RORA: variants seen among roughly 807,000 people sequenced by gnomAD.
RORA encodes the protein nuclear receptor ROR-alpha.
In RORA, 7 loss-of-function variants were observed where a neutral mutation model predicts 69.5. The observed-to-expected ratio is 0.10, with a 90% CI of 0.06 to 0.19. The LOEUF is 0.19. Among genes scored for constraint, RORA ranks in the 10% least tolerant of loss-of-function variants. The probability of loss-of-function intolerance (pLI) is 1.00; values close to 1 mark genes in which losing one functional copy is unlikely to be tolerated. For synonymous variants in RORA, 261 were observed against 240.8 expected (o/e 1.08, Z -0.78); for missense variants, 457 against 663.0 (o/e 0.69, Z 3.41).
chr15:60,637,207 G>A (rs189833948), intron 2 of RORA, among the ~76,000 whole-genome samples: 174 of 152,150 alleles, frequency 1.1e-3, no homozygotes, highest in African/African-American at 3.9e-3. Context: ...TTCTGAAACT[G>A]ACTGAATTGA....
intron 1 of RORA, among the ~76,000 whole-genome samples, chr15:61,139,142 TA>T (rs61302970): frequency 4.7e-3 from 637 of 136,272 alleles, no homozygotes; most frequent in Non-Finnish European, 4.4e-3. Flanking sequence ...AGACTCCGTC[TA>T]AAAAAAAAAA....
rs141544863 is a variant in RORA at position 61,128,173 on chromosome 15, A to G, written c.166+100880T>C. Among the ~76,000 whole-genome samples, 2 of 151,846 alleles carry G rather than the reference A, an allele frequency of 1.3e-5. No individual in the cohort carries two copies. Among genetic ancestry groups the G allele is most frequent in the East Asian group, 3.9e-4 (2 of 5,158 alleles). ...TTGGAATGATTTGTATATTTTCCCT[A>G]TATCATAATTGCTGTGTGTGTGTAT... On this transcript the variant is annotated intron_variant, in intron 1 of 10. Transcript: ENST00000335670. This position sits in a 1 kb window ranked among gnomAD's most constrained non-coding sequence, Gnocchi z 4.5.
At chr15:61,139,167 G>C (rs1289763885) in intron 1 of RORA, among the ~76,000 whole-genome samples, 2 of 151,676 alleles carry the variant, frequency 1.3e-5, no homozygotes, top group African/African-American at 2.4e-5. Flanking sequence ...AGTTAAAAAC[G>C]TTTCTTTTTA....
intron 1 of RORA, among the ~76,000 whole-genome samples, chr15:60,941,233 G>A (rs1165712360): frequency 2.0e-5 from 3 of 152,282 alleles, no homozygotes; most frequent in South Asian, 2.1e-4. Flanking sequence ...ATTCAAGCTG[G>A]GTCTAAAAGG....
chr15:60,503,405 C>A (rs977171887), intron 7 of RORA, 130 bp downstream of exon 7: 1 of 812,842 alleles, frequency 1.2e-6, no homozygotes, highest in African/African-American at 1.7e-5. Flanking sequence ...TCCATTTCTG[C>A]TAAGAAAAAC....
intron 1 of RORA, among the ~76,000 whole-genome samples, chr15:60,986,246 G>A (rs1454219527): frequency 2.6e-5 from 4 of 151,898 alleles, no homozygotes; most frequent in Admixed American, 2.0e-4. Context: ...CCATTCTCCT[G>A]CCTCAGCCTC....
chr15:60,883,213 G>A (rs775958509), intron 1 of RORA, among the ~76,000 whole-genome samples: 1 of 148,262 alleles, frequency 6.7e-6, no homozygotes, highest in Non-Finnish European at 1.5e-5. Flanking sequence ...AAATGCAGTT[G>A]AATTTAGCTT....
intron 1 of RORA, among the ~76,000 whole-genome samples, chr15:61,187,267 T>C (rs2140910980): frequency 6.6e-6 from 1 of 152,340 alleles, no homozygotes; most frequent in South Asian, 2.1e-4. Context: ...TGTCCAGATT[T>C]AGGTTGTGTT....
intron 2 of RORA, among the ~76,000 whole-genome samples, chr15:60,535,128 A>G (rs2066636997): frequency 6.6e-6 from 1 of 152,152 alleles, no homozygotes; most frequent in South Asian, 2.1e-4. Context: ...CTTGGCCCAT[A>G]TATATACTGC....
intron 1 of RORA, among the ~76,000 whole-genome samples, chr15:61,201,760 G>A (rs2079897197): frequency 6.6e-6 from 1 of 152,118 alleles, no homozygotes; most frequent in South Asian, 2.1e-4. Context: ...GGTTAGGAAA[G>A]ATTAATTTAA....
intron 2 of RORA, among the ~76,000 whole-genome samples, chr15:60,541,935 G>C (rs554945584): frequency 6.6e-6 from 1 of 152,114 alleles, no homozygotes; most frequent in Non-Finnish European, 1.5e-5. Context: ...CTAGTCCAAG[G>C]TGCTTCTTTT....
chr15:61,174,537 T>C (rs2079611629), intron 1 of RORA, among the ~76,000 whole-genome samples: 1 of 152,218 alleles, frequency 6.6e-6, no homozygotes, highest in Non-Finnish European at 1.5e-5. Context: ...GGATTAATAA[T>C]GCACAGATGT....
chr15:60,946,130 T>C (rs545721309), intron 1 of RORA, among the ~76,000 whole-genome samples: 1 of 152,140 alleles, frequency 6.6e-6, no homozygotes, highest in East Asian at 1.9e-4. Flanking sequence ...GATCAGCGGG[T>C]GTGCTGAGGG....
At chr15:61,013,935 C>T (rs1003718868) in intron 1 of RORA, among the ~76,000 whole-genome samples, 1 of 152,016 alleles carries the variant, frequency 6.6e-6, no homozygotes, top group East Asian at 1.9e-4. Flanking sequence ...AGGCGCCCGC[C>T]ACCACGCCAG....
intron 1 of RORA, among the ~76,000 whole-genome samples, chr15:61,059,995 GAAGAAGAAGAAGAA>G (rs1566968791): frequency 2.5e-4 from 27 of 108,554 alleles, no homozygotes; most frequent in East Asian, 5.5e-4. Context: ...AGAGGAAGAA[GAAGAAGAAGAAGAA>G]GAAGAAGAAG....
At chr15:60,825,482 C>A (rs1312471891) in intron 1 of RORA, among the ~76,000 whole-genome samples, 1 of 152,208 alleles carries the variant, frequency 6.6e-6, no homozygotes, top group Non-Finnish European at 1.5e-5. Context: ...GTTTGAATCA[C>A]TGAAGTTCCA....
intron 1 of RORA, among the ~76,000 whole-genome samples, chr15:60,958,292 A>G (rs753054845): frequency 3.3e-5 from 5 of 152,326 alleles, no homozygotes; most frequent in Admixed American, 1.3e-4. Flanking sequence ...ATCAAATTCC[A>G]TTTCATCTTG....
intron 2 of RORA, among the ~76,000 whole-genome samples, chr15:60,649,490 C>T (rs968052275): frequency 3.9e-5 from 6 of 152,304 alleles, no homozygotes; most frequent in South Asian, 2.1e-4. Flanking sequence ...AGCCCTGACA[C>T]GCCACTTCCT....
chr15:60,805,943 C>T (rs781437711), intron 1 of RORA, among the ~76,000 whole-genome samples: 24 of 152,190 alleles, frequency 1.6e-4, no homozygotes, highest in Non-Finnish European at 2.6e-4. Context: ...CTCAGGTGTT[C>T]AGGAGCCTCT....
Sources: gnomAD v4.1 joint callset for allele counts (sites outside exome capture counted in the v4.1 genomes callset) on GRCh38, gnomAD v4.1.1 for gene constraint, Gnocchi (gnomAD v3.1) non-coding constraint, MANE v1.5 for transcripts, NCBI Gene and HGNC (gene_info 2026-07-23, HGNC 2026-07-21) for gene names.